POLRMT: variants seen among roughly 807,000 people sequenced by gnomAD.
POLRMT encodes the protein DNA-directed RNA polymerase, mitochondrial.
POLRMT carries 114 observed loss-of-function variants against 132.2 expected under a neutral mutation model. The observed-to-expected ratio is 0.86, with a 90% CI of 0.74 to 1.01. The LOEUF is 1.01. Among genes scored for constraint, POLRMT ranks in the 50% least tolerant of loss-of-function variants. The pLI, the probability that POLRMT is intolerant of heterozygous loss-of-function variation, is 0.00. For synonymous variants in POLRMT, 1,020 were observed against 773.4 expected (o/e 1.32, Z -5.29); for missense variants, 2,003 against 1,729.1 (o/e 1.16, Z -2.81).
rs538506565 is a variant in POLRMT at position 619,246 on chromosome 19, A to C, written c.3117T>G (p.Ser1039Arg). ...GGGTCCCCGAGAACATCTCCTGTAG[A>C]CTCTTGAAGACCTGGCGTACGAGAT... ...SHYLVRQVFK[S>R]LQEMFSGTRA... The change falls in exon 14 of 21, where the codon AGT (serine) becomes AGG (arginine). Residue 1039 changes from serine (S) to arginine (R), a missense_variant. By Grantham distance (110) the Ser-to-Arg change is moderately radical. Transcript: ENST00000588649. 5.6e-6 allele frequency: 9 copies of C among 1,605,742 alleles called. No individual in the cohort carries two copies. The Admixed American group carries it at 1.2e-4, about 21-fold the overall frequency.
intron 17 of POLRMT, 117 bp from the exon 18 acceptor site, chr19:617,966 T>TGCAGGCCTC: frequency 1.2e-6 from 1 of 863,598 alleles, no homozygotes; most frequent in Non-Finnish European, 1.9e-6. Flanking sequence ...CCCACCCTCC[T>TGCAGGCCTC]GCAGGCCTCG....
rs1039100137 is a variant in POLRMT at position 620,542 on chromosome 19, C to T, written c.2641-55G>A. 60 of 1,473,088 alleles carry T rather than the reference C, an allele frequency of 4.1e-5. 1 individual carries two copies. In the African/African-American group the frequency reaches 7.0e-4, roughly 17 times the overall value. The allele number at this position is 1,473,088 out of a possible 1,614,324, so 91.3% of individuals were successfully genotyped here. ...GGCCCGGGCCCGATCCCTGAGCCCG[C>T]TGGGAGGCTGTGTTGCGGGGAGGTG... is the stretch of plus-strand genomic sequence containing the variant. On this transcript the variant is annotated intron_variant, in intron 10 of 20. Coordinates refer to ENST00000588649, the MANE Select transcript of POLRMT (RefSeq NM_005035.4).
At chr19:626,509 A>G (rs1169200562) in intron 3 of POLRMT, among the ~76,000 whole-genome samples, 1 of 146,668 alleles carries the variant, frequency 6.8e-6, no homozygotes, top group Non-Finnish European at 1.5e-5. Context: ...ATTTTTGGCC[A>G]GGCACAGTGG....
intron 3 of POLRMT, among the ~76,000 whole-genome samples, chr19:628,895 T>C (rs1292220911): frequency 1.3e-5 from 2 of 151,948 alleles, no homozygotes; most frequent in African/African-American, 4.8e-5. Context: ...CTCCAGCTAC[T>C]TAGGAGGCTG....
chr19:631,552 T>G (rs1485955214), intron 2 of POLRMT, among the ~76,000 whole-genome samples: 1 of 151,822 alleles, frequency 6.6e-6, no homozygotes, highest in African/African-American at 2.4e-5. Flanking sequence ...GGCAGGAGAA[T>G]TGCTTGAACT....
Position 621,555 on chromosome 19 carries a change from C to T in POLRMT, c.2143G>A (p.Asp715Asn). The part of the protein sequence containing the change: ...CAWRVNGRVL[D>N]LVLQLFQAKG... ...GCCTGGAAGAGCTGCAGCACCAGGT[C>T]CAGCACGCGCCCGTTGACGCGCCAG... The change falls in exon 10 of 21, where the codon GAC becomes AAC. Residue 715 changes from aspartate (D) to asparagine (N), a missense_variant. Coordinates refer to ENST00000588649, the MANE Select transcript of POLRMT (RefSeq NM_005035.4). The T allele has an allele frequency of 2.1e-6, 3 of 1,439,914 alleles. No individual in the cohort carries two copies. Among genetic ancestry groups the T allele is most frequent in the Non-Finnish European group, 2.7e-6 (3 of 1,101,682 alleles). 89.2% of individuals were successfully genotyped at this position (1,439,914 alleles called of 1,614,324 possible).
intron 1 of POLRMT, chr19:633,204 G>A (rs1341003427): frequency 3.3e-6 from 2 of 599,982 alleles, no homozygotes; most frequent in Non-Finnish European, 5.4e-6. Flanking sequence ...CCACACCTGG[G>A]GTCAGGAGGC....
At chr19:632,408 C>A (rs934992705) in intron 2 of POLRMT, among the ~76,000 whole-genome samples, 2 of 152,222 alleles carry the variant, frequency 1.3e-5, no homozygotes, top group African/African-American at 4.8e-5. Context: ...GGAGCCTGGG[C>A]TGTCCCTCCC....
chr19:629,455 T>A (rs1319360593), intron 3 of POLRMT, 85 bp downstream of exon 3: 1 of 1,307,838 alleles, frequency 7.6e-7, no homozygotes, highest in East Asian at 2.7e-5. Context: ...ACCTGGGGGC[T>A]AAGAGAGAAA....
At chr19:619,157 C>T (rs1258790746) in intron 14 of POLRMT, 47 bp from the exon 15 acceptor site, 1 of 1,610,416 alleles carries the variant, frequency 6.2e-7, no homozygotes, top group Non-Finnish European at 8.5e-7. Context: ...GGCCGGGGAT[C>T]CCGTCCACTT....
chr19:631,016 G>A (rs1985373917), intron 2 of POLRMT, among the ~76,000 whole-genome samples: 1 of 151,668 alleles, frequency 6.6e-6, no homozygotes, highest in African/African-American at 2.4e-5. Flanking sequence ...AAAATTAGCT[G>A]GGCGTGGTGG....
At chr19:625,284 G>C (rs200163043) in intron 3 of POLRMT, 30 bp from the exon 4 acceptor site, 63 of 1,612,092 alleles carry the variant, frequency 3.9e-5, no homozygotes, top group Non-Finnish European at 5.1e-5. Context: ...TGAGGGTCTG[G>C]GGGGATGGCC....
intron 5 of POLRMT, among the ~76,000 whole-genome samples, 167 bp downstream of exon 5, chr19:624,552 C>G (rs577140424): frequency 1.6e-4 from 25 of 152,302 alleles, no homozygotes; most frequent in African/African-American, 5.1e-4. Context: ...CAAGACCCTC[C>G]CAGCTCTGGG....
intron 2 of POLRMT, among the ~76,000 whole-genome samples, chr19:630,673 C>T (rs1985348375): frequency 6.6e-6 from 1 of 152,176 alleles, no homozygotes; most frequent in African/African-American, 2.4e-5. Context: ...TCGCACCCCG[C>T]CTCAGCAAGA....
chr19:618,693 C>G lies in POLRMT; in HGVS notation c.3323+12G>C. On this transcript the variant is annotated intron_variant, in intron 16 of 20. Coordinates refer to ENST00000588649, the MANE Select transcript of POLRMT (RefSeq NM_005035.4). ...ACCCCCGGCCAGGCCCCAGCCCGGG[C>G]CCCCCACTCACCGGCTGATGTCTCC... is the stretch of plus-strand genomic sequence containing the variant. 8 of 1,605,516 alleles carry G rather than the reference C, an allele frequency of 5.0e-6. No homozygotes were observed. The highest frequency in any genetic ancestry group is 6.8e-6 in the Non-Finnish European group (8 of 1,176,090).
In POLRMT at chr19:619,570, G is replaced by T. The variant is rs777462598; in HGVS notation, c.3066+16C>A. On this transcript the variant is annotated intron_variant, in intron 13 of 20. Transcript: ENST00000588649. ...AGTGAAACCAACGTGTTCGCAGCGC[G>T]ACATGCCTGGCGCACCTGGGGAAAG... 1 of 1,611,452 alleles carries T rather than the reference G, an allele frequency of 6.2e-7. No homozygotes were observed. The highest frequency in any genetic ancestry group is 2.2e-5 in the East Asian group (1 of 44,870).
intron 9 of POLRMT, 84 bp downstream of exon 9, chr19:622,065 G>T (rs1984653580): frequency 7.6e-7 from 1 of 1,314,600 alleles, no homozygotes; most frequent in Non-Finnish European, 1.0e-6. Context: ...TGAGATCAAG[G>T]CTCCGCCCAA....
At chr19:625,020 C>T (rs1225175448) in intron 4 of POLRMT, 104 bp downstream of exon 4, 12 of 1,519,334 alleles carry the variant, frequency 7.9e-6, no homozygotes, top group Middle Eastern at 1.9e-4. Context: ...GTGTGGCTGT[C>T]AGGCCCTCTG....
rs145459131 is a variant in POLRMT, at chr19:617,283, G to A, written c.3684C>T (p.Phe1228=). The stretch of plus-strand genomic sequence containing the variant: ...CAAGGCTCACGGGGTGTCAGCTGAA[G>A]AAGTAGGTGGAACGCTTCACCTGCT... ...DLEQVKRSTY[F]FS is the part of the protein sequence containing the mutation. Residue 1228 remains phenylalanine (F), a synonymous_variant, in exon 21 of 21, where the codon TTC becomes TTT. Transcript: ENST00000588649. 316 of 1,612,848 alleles carry A rather than the reference G, an allele frequency of 2.0e-4. 2 individuals carry two copies. The African/African-American group carries it at 3.1e-3, about 16-fold the overall frequency.
Sources: allele counts gnomAD v4.1 joint callset (sites outside exome capture counted in the v4.1 genomes callset), GRCh38; gene constraint gnomAD v4.1.1; transcripts MANE v1.5; gene names NCBI Gene and HGNC (gene_info 2026-07-23, HGNC 2026-07-21).